The following MYOF variants were observed in gnomAD, a reference collection of about 807,000 sequenced individuals.
The protein encoded by MYOF is myoferlin.
Under a neutral mutation model 284.2 loss-of-function variants are expected in MYOF, and 244 were observed. That is an observed-to-expected ratio of 0.86 (90% CI 0.77 to 0.95). The LOEUF (loss-of-function observed/expected upper bound fraction) is 0.95, where lower values mean the gene tolerates loss of function less well. MYOF is among the 40% of genes least tolerant of loss of function. The pLI, the probability that MYOF is intolerant of heterozygous loss-of-function variation, is 0.00. For missense variants in MYOF, 2,496 were observed against 2,560.6 expected, an observed-to-expected ratio of 0.97 and a Z score of 0.54; for synonymous variants, 904 against 919.7, an observed-to-expected ratio of 0.98 and a Z score of 0.31.
chr10:93,377,808 TA>T (rs1256638530), intron 21 of MYOF, among the ~76,000 whole-genome samples: 1 of 152,142 alleles, frequency 6.6e-6, no homozygotes, highest in African/African-American at 2.4e-5. Flanking sequence ...GGAGTAAATA[TA>T]TTGAGGATAA....
chr10:93,307,582 G>A (rs922042973), intron 53 of MYOF, among the ~76,000 whole-genome samples: 1 of 151,302 alleles, frequency 6.6e-6, no homozygotes, highest in African/African-American at 2.4e-5. Flanking sequence ...TTACAGGCGT[G>A]AGCCACCACG....
chr10:93,414,013 GA>G (rs780766817), intron 5 of MYOF, among the ~76,000 whole-genome samples: 1 of 152,022 alleles, frequency 6.6e-6, no homozygotes, highest in Non-Finnish European at 1.5e-5. Flanking sequence ...AAAAAGAAAA[GA>G]AAAGAAAGAA....
chr10:93,393,046 A>G (rs1036026634), intron 16 of MYOF, 91 bp from the exon 17 acceptor site: 9 of 1,193,866 alleles, frequency 7.5e-6, no homozygotes, highest in Non-Finnish European at 9.9e-6. Flanking sequence ...AGTGCCAGGT[A>G]TGTGATTTAG....
chr10:93,330,693 A>G (rs1306201877), intron 43 of MYOF, among the ~76,000 whole-genome samples: 1 of 152,162 alleles, frequency 6.6e-6, no homozygotes, highest in Non-Finnish European at 1.5e-5. Context: ...TATCTGCACT[A>G]TCCACAGAGG....
intron 5 of MYOF, among the ~76,000 whole-genome samples, chr10:93,412,287 G>A (rs943484133): frequency 2.0e-5 from 3 of 152,124 alleles, no homozygotes; most frequent in Admixed American, 6.5e-5. Flanking sequence ...TCTTTTTCAG[G>A]CTACTGGGAA....
rs910000943 is a variant in MYOF at position 93,415,725 on chromosome 10, C to A, written c.434-5986G>T. 4.6e-5 allele frequency among the ~76,000 whole-genome samples: 7 copies of A among 152,326 alleles called. No homozygotes were observed. In the East Asian group the frequency reaches 1.4e-3, roughly 29 times the overall value. ...GCTCCCTGACTTGAAGCCAACTCTT[C>A]CGCATTTGCACAGATCCTATCTCCT... is the stretch of plus-strand genomic sequence containing the variant. On this transcript the variant is annotated intron_variant, in intron 5 of 53. Coordinates refer to ENST00000359263, the MANE Select transcript of MYOF (RefSeq NM_013451.4).
In MYOF at chr10:93,329,715, C is replaced by A. The variant is rs372110838; in HGVS notation, c.4931G>T (p.Arg1644Leu). ...GTGGGACCCAAAGCGGGAAAGGAAT[C>A]GGTTTTCCAGATCAATAATTGTTTC... ...VGETIIDLENRFLSRFGSHCG... is the reference protein window; with the variant it reads ...VGETIIDLENLFLSRFGSHCG... The change falls in exon 44 of 54, where the codon CGA (arginine) becomes CTA (leucine). Residue 1644 changes from arginine (R) to leucine (L), a missense_variant. By Grantham distance (102) the Arg-to-Leu change is moderately radical. Coordinates refer to ENST00000359263, the MANE Select transcript of MYOF (RefSeq NM_013451.4). The A allele has an allele frequency of 2.0e-5, 32 of 1,614,084 alleles. No individual in the cohort carries two copies. Among genetic ancestry groups the A allele is most frequent in the Non-Finnish European group, 2.5e-5 (30 of 1,180,048 alleles).
chr10:93,328,641 C>T (rs1436445590), intron 45 of MYOF, 122 bp downstream of exon 45: 23 of 996,832 alleles, frequency 2.3e-5, no homozygotes, highest in South Asian at 7.1e-5. Flanking sequence ...GTTAGTGTCA[C>T]GTGCACAGTC....
At chr10:93,364,853 A>C (rs993262383) in intron 26 of MYOF, among the ~76,000 whole-genome samples, 2 of 152,176 alleles carry the variant, frequency 1.3e-5, no homozygotes, top group African/African-American at 4.8e-5. Context: ...CAGGAAAGGA[A>C]TCAAAAAAAC....
intron 17 of MYOF, among the ~76,000 whole-genome samples, chr10:93,391,555 A>G (rs1846676514): frequency 6.6e-6 from 1 of 152,028 alleles, no homozygotes; most frequent in South Asian, 2.1e-4. Context: ...AGATCATGCC[A>G]TTGCACTCCA....
At chr10:93,383,006 C>T (rs1266337424) in intron 19 of MYOF, among the ~76,000 whole-genome samples, 1 of 152,166 alleles carries the variant, frequency 6.6e-6, no homozygotes, top group Non-Finnish European at 1.5e-5. Flanking sequence ...AGTGATTCTC[C>T]TGCCTCAGCC....
chr10:93,445,333 A>G (rs1293647039), intron 3 of MYOF, among the ~76,000 whole-genome samples: 1 of 152,220 alleles, frequency 6.6e-6, no homozygotes, highest in Non-Finnish European at 1.5e-5. Flanking sequence ...TGTGAGGATC[A>G]ATTGGGGTAA....
intron 49 of MYOF, 117 bp from the exon 50 acceptor site, chr10:93,316,930 T>C: frequency 1.3e-6 from 1 of 744,954 alleles, no homozygotes; most frequent in Non-Finnish European, 2.3e-6. Context: ...GACACTCCCT[T>C]GGGCCTAAAT....
intron 1 of MYOF, among the ~76,000 whole-genome samples, chr10:93,460,075 T>G (rs1264595782): frequency 1.3e-5 from 2 of 152,128 alleles, no homozygotes; most frequent in African/African-American, 4.8e-5. Flanking sequence ...GCACCCAGGC[T>G]TGGGGTAGGA....
chr10:93,443,991 C>T (rs1220254879), intron 3 of MYOF, among the ~76,000 whole-genome samples: 1 of 152,210 alleles, frequency 6.6e-6, no homozygotes, highest in Non-Finnish European at 1.5e-5. Flanking sequence ...CCTGTGAGCT[C>T]AGCCTTGAGT....
chr10:93,481,991 G>T, intron 1 of MYOF, 116 bp downstream of exon 1: 2 of 972,466 alleles, frequency 2.1e-6, no homozygotes, highest in Non-Finnish European at 3.2e-6. Context: ...GGTAACAAAC[G>T]CTGCTGGAGA....
intron 5 of MYOF, among the ~76,000 whole-genome samples, chr10:93,424,547 G>T (rs1044743349): frequency 1.1e-4 from 16 of 152,170 alleles, no homozygotes; most frequent in Non-Finnish European, 1.9e-4. Flanking sequence ...AGTGTCCAAA[G>T]CCAAGTAGAA....
rs944892753 is a variant in MYOF, at chr10:93,364,780, G to GT, written c.2754-706dup. ...CTGCCAGGTACCTACTCAAATGAGG[G>GT]TTTTTTTTCCCTTTATTGTTTCTGC... On this transcript the variant is annotated intron_variant, in intron 26 of 53. Coordinates refer to ENST00000359263, the MANE Select transcript of MYOF (RefSeq NM_013451.4). Among the ~76,000 whole-genome samples the GT allele has an allele frequency of 5.1e-4, 78 of 151,812 alleles. 1 individual carries two copies. Among genetic ancestry groups the GT allele is most frequent in the Admixed American group, 1.8e-3 (28 of 15,252 alleles).
chr10:93,319,527 T>C (rs1268976493), intron 49 of MYOF, among the ~76,000 whole-genome samples: 2 of 152,198 alleles, frequency 1.3e-5, no homozygotes, highest in Non-Finnish European at 2.9e-5. Context: ...TGCTTGACTC[T>C]GCCTAGCATG....
Sources: gnomAD v4.1 joint callset for allele counts (sites outside exome capture counted in the v4.1 genomes callset) on GRCh38, gnomAD v4.1.1 for gene constraint, MANE v1.5 for transcripts, NCBI Gene and HGNC (gene_info 2026-07-23, HGNC 2026-07-21) for gene names.